The following BCKDHB variants were observed in gnomAD, a reference collection of about 807,000 sequenced individuals.
BCKDHB encodes the protein 2-oxoisovalerate dehydrogenase subunit beta, mitochondrial.
BCKDHB carries 41 observed loss-of-function variants against 48.5 expected under a neutral mutation model. The observed-to-expected ratio is 0.85, with a 90% CI of 0.66 to 1.10. The LOEUF (loss-of-function observed/expected upper bound fraction) is 1.10. Among genes scored for constraint, BCKDHB ranks in the 50% least tolerant of loss-of-function variants. The pLI is 0.00. For missense variants in BCKDHB, 496 were observed against 494.2 expected (o/e 1.00, Z -0.03); for synonymous variants, 201 against 174.8 (o/e 1.15, Z -1.18).
At chr6:80,203,680 G>A (rs1774505217) in intron 8 of BCKDHB, among the ~76,000 whole-genome samples, 2 of 152,022 alleles carry the variant, frequency 1.3e-5, no homozygotes, top group Non-Finnish European at 2.9e-5. Context: ...TAATACTGTG[G>A]ATTACAGTCT....
intron 8 of BCKDHB, among the ~76,000 whole-genome samples, chr6:80,261,328 G>A (rs1418092840): frequency 6.6e-6 from 1 of 152,026 alleles, no homozygotes; most frequent in Non-Finnish European, 1.5e-5. Flanking sequence ...CTCCAGCAGT[G>A]GTCCTTGGCT....
chr6:80,195,307 G>C (rs763258591), intron 6 of BCKDHB, among the ~76,000 whole-genome samples: 29 of 151,978 alleles, frequency 1.9e-4, no homozygotes, highest in Non-Finnish European at 4.0e-4. Flanking sequence ...ACTGTGTTTA[G>C]GGAATAATTT....
chr6:80,355,194 G>A, the BCKDHB span, among the ~76,000 whole-genome samples: 1 of 152,002 alleles, frequency 6.6e-6, no homozygotes, highest in African/African-American at 2.4e-5. Flanking sequence ...GAGGTCGGGA[G>A]TTCGAGACTA....
At chr6:80,239,675 C>T (rs1248502103) in intron 8 of BCKDHB, among the ~76,000 whole-genome samples, 1 of 152,134 alleles carries the variant, frequency 6.6e-6, no homozygotes, top group African/African-American at 2.4e-5. Flanking sequence ...GAAGTCCTTG[C>T]CCATGCCTAC....
chr6:80,264,438 A>G (rs1562186580), intron 8 of BCKDHB, among the ~76,000 whole-genome samples: 1 of 152,168 alleles, frequency 6.6e-6, no homozygotes, highest in East Asian at 1.9e-4. Context: ...TACTGGCACA[A>G]TATGGAGCAA....
At chr6:80,149,034 A>G (rs1175504879) in intron 3 of BCKDHB, among the ~76,000 whole-genome samples, 7 of 152,300 alleles carry the variant, frequency 4.6e-5, no homozygotes, top group Admixed American at 2.6e-4. Context: ...TGAACAGGCA[A>G]CCTACAAAAT....
the BCKDHB span, among the ~76,000 whole-genome samples, chr6:80,441,707 A>G: frequency 5.3e-5 from 8 of 152,164 alleles, no homozygotes; most frequent in African/African-American, 7.2e-5. Flanking sequence ...AATTGCTGTC[A>G]TCATGTTTGT....
intron 8 of BCKDHB, among the ~76,000 whole-genome samples, chr6:80,268,844 T>A (rs1371828642): frequency 6.6e-6 from 1 of 152,138 alleles, no homozygotes; most frequent in African/African-American, 2.4e-5. Context: ...TAACAGAGTA[T>A]AACTTAGCAG....
downstream of BCKDHB, among the ~76,000 whole-genome samples, chr6:80,351,124 C>G (rs1408327315): frequency 2.0e-5 from 3 of 152,280 alleles, no homozygotes; most frequent in East Asian, 5.8e-4. Flanking sequence ...ACATCAGACT[C>G]ATGGGGTTGT....
the BCKDHB span, among the ~76,000 whole-genome samples, chr6:80,359,850 G>A: frequency 6.4e-4 from 97 of 152,214 alleles, 1 homozygote; most frequent in African/African-American, 2.2e-3. Flanking sequence ...CTTGGCCTCC[G>A]AAGTGCTGGG....
intron 9 of BCKDHB, among the ~76,000 whole-genome samples, chr6:80,290,107 G>C (rs1029399026): frequency 6.6e-6 from 1 of 152,206 alleles, no homozygotes; most frequent in Non-Finnish European, 1.5e-5. Context: ...GATCCTCCCA[G>C]TACAGCTGGA....
chr6:80,433,169 C>T, the BCKDHB span, among the ~76,000 whole-genome samples: 3 of 152,246 alleles, frequency 2.0e-5, no homozygotes, highest in East Asian at 5.8e-4. Flanking sequence ...GCAGTCTGAC[C>T]CTTAGCAGAG....
intron 6 of BCKDHB, among the ~76,000 whole-genome samples, chr6:80,178,519 A>G (rs554795719): frequency 8.5e-5 from 13 of 152,314 alleles, no homozygotes; most frequent in African/African-American, 2.4e-4. Context: ...ACTCATAATC[A>G]TATTTCATAA....
chr6:80,384,328 ATCT>A, the BCKDHB span, among the ~76,000 whole-genome samples: 5 of 145,650 alleles, frequency 3.4e-5, no homozygotes, highest in African/African-American at 1.3e-4. Context: ...CGGACTCCCG[ATCT>A]TCTTCTTCTT....
At chr6:80,423,308 T>G in the BCKDHB span, among the ~76,000 whole-genome samples, 1 of 152,162 alleles carries the variant, frequency 6.6e-6, no homozygotes, top group African/African-American at 2.4e-5. Context: ...ATTAAACCTG[T>G]TTTGTTCATA....
chr6:80,307,003 A>G (rs1767915574), intron 9 of BCKDHB, among the ~76,000 whole-genome samples: 1 of 152,138 alleles, frequency 6.6e-6, no homozygotes, highest in Non-Finnish European at 1.5e-5. Context: ...CATATCCCAG[A>G]TATGTTCCTC....
the BCKDHB span, among the ~76,000 whole-genome samples, chr6:80,400,252 G>A: frequency 6.6e-6 from 1 of 151,934 alleles, no homozygotes; most frequent in Admixed American, 6.6e-5. Flanking sequence ...AAACTGAAGA[G>A]CTTCTACTCA....
chr6:80,385,618 T>C, the BCKDHB span, among the ~76,000 whole-genome samples: 1 of 152,198 alleles, frequency 6.6e-6, no homozygotes, highest in East Asian at 1.9e-4. Context: ...TGGCCTCTCC[T>C]GAGGCCGTTG....
intron 8 of BCKDHB, among the ~76,000 whole-genome samples, chr6:80,231,208 A>G (rs1241306485): frequency 6.6e-6 from 1 of 152,220 alleles, no homozygotes; most frequent in African/African-American, 2.4e-5. Flanking sequence ...TACTTAATGT[A>G]TGATGCTTTA....
Sources: allele counts gnomAD v4.1 joint callset (sites outside exome capture counted in the v4.1 genomes callset), GRCh38; gene constraint gnomAD v4.1.1; transcripts MANE v1.5; gene names NCBI Gene and HGNC (gene_info 2026-07-23, HGNC 2026-07-21).